Variants in L3MBTL4 observed in about 807,000 individuals in gnomAD.
L3MBTL4 encodes lethal(3)malignant brain tumor-like protein 4.
L3MBTL4 carries 70 observed loss-of-function variants against 84.5 expected under a neutral mutation model. The ratio of observed to expected loss-of-function variants is 0.83; its 90% CI spans 0.68 to 1.01. The LOEUF (loss-of-function observed/expected upper bound fraction) is 1.01, where lower values mean the gene tolerates loss of function less well. Ranked by LOEUF, L3MBTL4 falls within the 50% of genes least tolerant of loss-of-function variation. The probability of loss-of-function intolerance (pLI) is 0.00; values close to 1 mark genes in which losing one functional copy is unlikely to be tolerated. For synonymous variants in L3MBTL4, 274 were observed against 259.8 expected (o/e 1.05, Z -0.52); for missense variants, 715 against 754.8 (o/e 0.95, Z 0.62).
chr18:6,408,645 A>G (rs1471251561), intron 1 of L3MBTL4, among the ~76,000 whole-genome samples: 1 of 151,920 alleles, frequency 6.6e-6, no homozygotes, highest in East Asian at 1.9e-4. Context: ...TTCTCACAGT[A>G]GACAAATACC....
intron 1 of L3MBTL4, among the ~76,000 whole-genome samples, chr18:6,358,746 C>T (rs917411656): frequency 6.6e-6 from 1 of 152,176 alleles, no homozygotes; most frequent in African/African-American, 2.4e-5. Context: ...TTCAAACACA[C>T]AGGAGACTGC....
chr18:5,969,847 G>A (rs568551006), intron 16 of L3MBTL4, among the ~76,000 whole-genome samples: 1 of 152,312 alleles, frequency 6.6e-6, no homozygotes, highest in South Asian at 2.1e-4. Flanking sequence ...CCAATGAAGG[G>A]CTCGCTTGTC....
chr18:6,297,470 C>T (rs1249543836), intron 4 of L3MBTL4, among the ~76,000 whole-genome samples: 1 of 152,114 alleles, frequency 6.6e-6, no homozygotes, highest in Non-Finnish European at 1.5e-5. Flanking sequence ...TTAGGAGAAA[C>T]TGGGTGAAGG....
intron 16 of L3MBTL4, among the ~76,000 whole-genome samples, chr18:6,010,917 T>C (rs1348785536): frequency 2.0e-5 from 3 of 152,190 alleles, no homozygotes; most frequent in Non-Finnish European, 2.9e-5. Context: ...CCCATGACTT[T>C]AGAATCACCC....
At position 6,212,767 on chromosome 18, in the gene L3MBTL4, T is replaced by G. The variant is rs912809066; in HGVS notation, c.981+382A>C. ...ACAGCAAATCCAAACAGAAAAGTAT[T>G]AGAATATCTCTCAAAGTCAGTCATG... On this transcript the variant is annotated intron_variant, in intron 12 of 18. Transcript: ENST00000317931. Among the ~76,000 whole-genome samples the G allele has an allele frequency of 1.4e-4, 22 of 152,296 alleles. 1 individual carries two copies. Among genetic ancestry groups the G allele is most frequent in the South Asian group, 1.0e-3 (5 of 4,822 alleles).
chr18:6,296,203 T>C (rs757825903), intron 4 of L3MBTL4, among the ~76,000 whole-genome samples: 11 of 152,194 alleles, frequency 7.2e-5, no homozygotes, highest in Non-Finnish European at 1.5e-4. Flanking sequence ...TTGAAGCTTC[T>C]AGAATCATTT....
At chr18:6,208,619 A>G (rs2045971438) in intron 12 of L3MBTL4, among the ~76,000 whole-genome samples, 1 of 152,220 alleles carries the variant, frequency 6.6e-6, no homozygotes, top group Admixed American at 6.5e-5. Flanking sequence ...ACTTTTTCCC[A>G]CAAATAATGG....
At chr18:6,269,783 C>T (rs982490269) in intron 4 of L3MBTL4, among the ~76,000 whole-genome samples, 6 of 152,102 alleles carry the variant, frequency 3.9e-5, no homozygotes, top group Admixed American at 1.3e-4. Context: ...AAACGAAGAC[C>T]ATGTGTTAAG....
In L3MBTL4 at chr18:6,181,155, C is replaced by T. The variant is rs138405547; in HGVS notation, c.982-9213G>A. ...ACGGACTTTCTGTTTGAGGTGAGGA[C>T]AATTTTTTTTTTTTTGCATTTTACA... On this transcript the variant is annotated intron_variant, in intron 12 of 18. Coordinates refer to ENST00000317931, the MANE Select transcript of L3MBTL4 (RefSeq NM_001330559.2). Among the ~76,000 whole-genome samples, 214 of 146,286 alleles carry T rather than the reference C, an allele frequency of 1.5e-3. 3 individuals carry two copies. The highest frequency in any genetic ancestry group is 0.013 in the South Asian group (62 of 4,730).
chr18:6,077,800 G>T (rs927305463), intron 16 of L3MBTL4, among the ~76,000 whole-genome samples: 2 of 151,636 alleles, frequency 1.3e-5, no homozygotes, highest in Non-Finnish European at 2.9e-5. Context: ...GGAGGCCGAG[G>T]TCAGTGGATC....
In L3MBTL4 at chr18:5,969,517, G is replaced by T; in HGVS notation, c.1490C>A (p.Ser497Tyr). The T allele has an allele frequency of 6.2e-7, 1 of 1,613,510 alleles. No homozygotes were observed. The highest frequency in any genetic ancestry group is 1.7e-5 in the Admixed American group (1 of 59,944). The change falls in exon 17 of 19, where the codon TCC becomes TAC. Residue 497 changes from serine to tyrosine, a missense_variant. Transcript: ENST00000317931. ...AGGGTGGGCTGACACCGTGGACATG[G>T]ACACTGACTGGTGAAGCACCTGCTG... ...QAQQVLHQSV[S>Y]MSTVSAHPFR...
chr18:5,981,453 G>A (rs1363828616), intron 16 of L3MBTL4, among the ~76,000 whole-genome samples: 2 of 152,108 alleles, frequency 1.3e-5, no homozygotes, highest in African/African-American at 2.4e-5. Flanking sequence ...CTTTTAAGAA[G>A]ACTGAAGTGA....
intron 13 of L3MBTL4, among the ~76,000 whole-genome samples, chr18:6,163,856 T>A (rs766693731): frequency 3.3e-5 from 5 of 152,164 alleles, no homozygotes; most frequent in Non-Finnish European, 7.3e-5. Flanking sequence ...TGCAGTGCAC[T>A]GTGTGTGAGC....
chr18:5,971,888 GA>G (rs1193401237), intron 16 of L3MBTL4, among the ~76,000 whole-genome samples: 2 of 152,200 alleles, frequency 1.3e-5, no homozygotes, highest in Non-Finnish European at 1.5e-5. Context: ...CACAACGAAA[GA>G]GATGGAGTTC....
chr18:6,239,896 G>A, intron 8 of L3MBTL4, 24 bp from the exon 9 acceptor site: 1 of 1,613,394 alleles, frequency 6.2e-7, no homozygotes. Context: ...AGCAGGGGAA[G>A]AAGCACAAAA....
intron 1 of L3MBTL4, among the ~76,000 whole-genome samples, chr18:6,324,967 T>A (rs1339514912): frequency 6.6e-6 from 1 of 152,066 alleles, no homozygotes; most frequent in Non-Finnish European, 1.5e-5. Context: ...TACCAATGCA[T>A]CCCCACTAGA....
chr18:6,040,150 G>A (rs965193120), intron 16 of L3MBTL4, among the ~76,000 whole-genome samples: 8 of 152,024 alleles, frequency 5.3e-5, no homozygotes, highest in African/African-American at 1.9e-4. Context: ...ACCCTGCAAG[G>A]TATTTTGAAT....
At chr18:6,028,405 T>C (rs1202338846) in intron 16 of L3MBTL4, among the ~76,000 whole-genome samples, 1 of 152,230 alleles carries the variant, frequency 6.6e-6, no homozygotes, top group Non-Finnish European at 1.5e-5. Flanking sequence ...ATATCTGTTT[T>C]GGTAACAGTA....
At chr18:5,978,794 G>A (rs1203624857) in intron 16 of L3MBTL4, among the ~76,000 whole-genome samples, 1 of 152,188 alleles carries the variant, frequency 6.6e-6, no homozygotes, top group Admixed American at 6.5e-5. Flanking sequence ...TAATGGATGT[G>A]GAAGTTAGCC....
Sources: gnomAD v4.1 joint callset for allele counts (sites outside exome capture counted in the v4.1 genomes callset) on GRCh38, gnomAD v4.1.1 for gene constraint, MANE v1.5 for transcripts, NCBI Gene and HGNC (gene_info 2026-07-23, HGNC 2026-07-21) for gene names.